The following PCBP3 variants were observed in gnomAD, a reference collection of about 807,000 sequenced individuals.
PCBP3 encodes the protein poly(rC)-binding protein 3.
Under a neutral mutation model 52.7 loss-of-function variants are expected in PCBP3, and 25 were observed. The ratio of observed to expected loss-of-function variants is 0.47; its 90% CI spans 0.35 to 0.66. The LOEUF is 0.66. Ranked by LOEUF, PCBP3 falls within the 30% of genes least tolerant of loss-of-function variation. The pLI, the probability that PCBP3 is intolerant of heterozygous loss-of-function variation, is 0.01. For synonymous variants in PCBP3, 162 were observed against 183.0 expected, an observed-to-expected ratio of 0.89 and a Z score of 0.93; for missense variants, 391 against 490.3, an observed-to-expected ratio of 0.80 and a Z score of 1.91.
chr21:45,923,303 T>C (rs2074731232), intron 13 of PCBP3, among the ~76,000 whole-genome samples: 1 of 152,136 alleles, frequency 6.6e-6, no homozygotes, highest in South Asian at 2.1e-4. Flanking sequence ...CCTCTCTCAC[T>C]CTGAAGCCTG....
At chr21:45,826,715 G>T (rs1240622944) in intron 4 of PCBP3, among the ~76,000 whole-genome samples, 2 of 152,232 alleles carry the variant, frequency 1.3e-5, no homozygotes, top group Non-Finnish European at 2.9e-5. Context: ...ATTTGTTCCA[G>T]ATGGGGCACT....
At chr21:45,699,352 G>A (rs1398027137) in intron 2 of PCBP3, among the ~76,000 whole-genome samples, 1 of 152,132 alleles carries the variant, frequency 6.6e-6, no homozygotes, top group Non-Finnish European at 1.5e-5. Context: ...AGCAGGAGAC[G>A]ATGGAGATTA....
At chr21:45,692,358 C>T (rs1381128163) in intron 2 of PCBP3, among the ~76,000 whole-genome samples, 1 of 150,476 alleles carries the variant, frequency 6.6e-6, no homozygotes, top group South Asian at 2.1e-4. Flanking sequence ...TTGAAAAGAT[C>T]AACAGAATCT....
At chr21:45,933,082 T>C (rs1178755396) in intron 15 of PCBP3, among the ~76,000 whole-genome samples, 10 of 126,142 alleles carry the variant, frequency 7.9e-5, no homozygotes, top group South Asian at 5.4e-4. Flanking sequence ...CCACGCCGTC[T>C]TGAGATGAAT....
At chr21:45,897,248 C>T (rs1016364006) in intron 6 of PCBP3, among the ~76,000 whole-genome samples, 14 of 152,226 alleles carry the variant, frequency 9.2e-5, no homozygotes, top group Non-Finnish European at 4.4e-5. Flanking sequence ...GGCACCCACA[C>T]GGATGCGTTC....
chr21:45,888,253 C>A (rs1352637182), intron 5 of PCBP3, among the ~76,000 whole-genome samples: 3 of 152,200 alleles, frequency 2.0e-5, no homozygotes, highest in Admixed American at 6.5e-5. Flanking sequence ...TGGGAAGGCA[C>A]CTTGCTTACC....
chr21:45,870,968 G>A (rs964037369), intron 5 of PCBP3: 9 of 155,940 alleles, frequency 5.8e-5, no homozygotes, highest in Non-Finnish European at 1.3e-4. Flanking sequence ...GCCAGGAAAT[G>A]GGGGCCCCCA....
At chr21:45,896,154 T>A (rs1474882319) in intron 5 of PCBP3, 54 bp from the exon 6 acceptor site, 9 of 1,520,784 alleles carry the variant, frequency 5.9e-6, no homozygotes, top group Non-Finnish European at 7.1e-6. Context: ...CACCCCTGGA[T>A]GTGCGTGGTC....
chr21:45,931,894 T>C (rs56330559), intron 15 of PCBP3, among the ~76,000 whole-genome samples: 2 of 147,444 alleles, frequency 1.4e-5, no homozygotes, highest in East Asian at 4.2e-4. Flanking sequence ...TCGGCCATGC[T>C]GTCCTGAGAT....
intron 4 of PCBP3, among the ~76,000 whole-genome samples, chr21:45,779,392 C>G (rs1316355085): frequency 6.6e-6 from 1 of 152,206 alleles, no homozygotes; most frequent in Admixed American, 6.5e-5. Context: ...TGGGAAGTCA[C>G]TCTTGGCTCC....
chr21:45,660,712 C>G (rs968184102), intron 1 of PCBP3, among the ~76,000 whole-genome samples: 8 of 152,104 alleles, frequency 5.3e-5, no homozygotes, highest in African/African-American at 1.9e-4. Context: ...TATCTCCATT[C>G]CCTCCTTCTT....
chr21:45,878,900 C>T (rs961889103), intron 5 of PCBP3, among the ~76,000 whole-genome samples: 4 of 152,150 alleles, frequency 2.6e-5, no homozygotes, highest in Non-Finnish European at 5.9e-5. Flanking sequence ...AGAGCAGCTG[C>T]GCCACCGTGC....
At chr21:45,673,281 C>G (rs2081280973) in intron 2 of PCBP3, among the ~76,000 whole-genome samples, 1 of 152,158 alleles carries the variant, frequency 6.6e-6, no homozygotes, top group Non-Finnish European at 1.5e-5. Context: ...GGAAATGAAG[C>G]TGTACATTTG....
chr21:45,856,981 G>A (rs1171519204), intron 5 of PCBP3, among the ~76,000 whole-genome samples: 2 of 152,188 alleles, frequency 1.3e-5, no homozygotes, highest in Non-Finnish European at 2.9e-5. Context: ...AAATGCTCAG[G>A]TTAAGATAAA....
intron 4 of PCBP3, among the ~76,000 whole-genome samples, chr21:45,790,879 G>A (rs559532497): frequency 2.0e-5 from 3 of 152,336 alleles, no homozygotes; most frequent in East Asian, 3.9e-4. Context: ...GGGCAGCAAG[G>A]TGGAGTTTTG....
At chr21:45,836,114 G>A (rs1471185319) in intron 4 of PCBP3, among the ~76,000 whole-genome samples, 1 of 152,196 alleles carries the variant, frequency 6.6e-6, no homozygotes, top group Non-Finnish European at 1.5e-5. Context: ...GGGGCTGCCT[G>A]GTCTGCTTTC....
intron 2 of PCBP3, among the ~76,000 whole-genome samples, chr21:45,694,910 G>C (rs979083389): frequency 1.3e-5 from 2 of 152,082 alleles, no homozygotes; most frequent in African/African-American, 4.8e-5. Context: ...AAAACACCAC[G>C]ATCGAAATTT....
intron 4 of PCBP3, among the ~76,000 whole-genome samples, chr21:45,803,468 G>A (rs2092382167): frequency 1.3e-5 from 2 of 152,128 alleles, no homozygotes; most frequent in African/African-American, 4.8e-5. Flanking sequence ...CGGGCCATGA[G>A]GGGAAGTCCA....
intron 4 of PCBP3, among the ~76,000 whole-genome samples, chr21:45,758,966 T>C (rs964431971): frequency 3.3e-5 from 5 of 152,234 alleles, no homozygotes; most frequent in Admixed American, 1.3e-4. Context: ...TGTATGGTTT[T>C]TCATTTTTAA....
Sources: gnomAD v4.1 joint callset for allele counts (sites outside exome capture counted in the v4.1 genomes callset) on GRCh38, gnomAD v4.1.1 for gene constraint, MANE v1.5 for transcripts, NCBI Gene and HGNC (gene_info 2026-07-23, HGNC 2026-07-21) for gene names.